KIF21A: variants seen among roughly 807,000 people sequenced by gnomAD.
KIF21A encodes the protein kinesin-like protein KIF21A.
KIF21A carries 114 observed loss-of-function variants against 202.9 expected under a neutral mutation model. The ratio of observed to expected loss-of-function variants is 0.56; its 90% CI spans 0.48 to 0.66. The LOEUF (loss-of-function observed/expected upper bound fraction) is 0.66, where lower values mean the gene tolerates loss of function less well. Ranked by LOEUF, KIF21A falls within the 30% of genes least tolerant of loss-of-function variation. The probability of loss-of-function intolerance (pLI) is 0.00; values close to 1 mark genes in which losing one functional copy is unlikely to be tolerated. For missense variants in KIF21A, 1,677 were observed against 1,994.9 expected (o/e 0.84, Z 3.04); for synonymous variants, 667 against 670.8 (o/e 0.99, Z 0.09).
chr12:39,332,400 C>T lies in KIF21A; in HGVS notation c.2865G>A (p.Glu955=). 6.2e-6 allele frequency: 10 copies of T among 1,613,752 alleles called. No individual in the cohort carries two copies. In the East Asian group the frequency reaches 1.1e-4, roughly 18 times the overall value. The change falls in exon 21 of 38, where the codon GAG becomes GAA. Residue 955 remains glutamate (E), a synonymous_variant. Transcript: ENST00000361418. The part of the protein sequence containing the change: ...ADMNRLLKQR[E]ELTKRREKLS... ...GTTTCTCTCGTCTTTTTGTGAGTTC[C>T]TCCCGTTGCTATTGAGAAAGCAGGT...
Position 39,370,069 on chromosome 12 carries a change from T to A in KIF21A, c.237A>T (p.Gly79=), listed in dbSNP as rs767468340. The A allele has an allele frequency of 1.2e-6, 2 of 1,613,556 alleles. No homozygotes were observed. The highest frequency in any genetic ancestry group is 2.7e-5 in the African/African-American group (2 of 74,922). The change falls in exon 2 of 38, where the codon GGA becomes GGT. Residue 79 remains glycine (G), a synonymous_variant. Coordinates refer to ENST00000361418, the MANE Select transcript of KIF21A (RefSeq NM_001173464.2). ...CATAAGCAAAAACTGTAGCATTGTA[T>A]CCTTCAAAGCAACCTTCAATTAGTT... ...IEKLIEGCFE[G]YNATVFAYGQ... is the part of the protein sequence containing the mutation.
At chr12:39,399,181 G>C (rs1355329091) in intron 1 of KIF21A, among the ~76,000 whole-genome samples, 1 of 152,180 alleles carries the variant, frequency 6.6e-6, no homozygotes, top group Non-Finnish European at 1.5e-5. Flanking sequence ...ATCACAGCAA[G>C]ATTCCATCAA....
At position 39,330,862 on chromosome 12, in the gene KIF21A, C is replaced by T. The variant is rs1375258659; in HGVS notation, c.3203G>A (p.Arg1068Gln). ...ACTGGTTATTTCTGTTTGTTTGAGTCGACCTTCCAGTACTTTAATTTGAGC... is the reference window on the plus strand; with the variant it reads ...ACTGGTTATTTCTGTTTGTTTGAGTTGACCTTCCAGTACTTTAATTTGAGC... The part of the protein sequence containing the change: ...KEAQIKVLEG[R>Q]LKQTEITSAT... Residue 1068 changes from arginine (R) to glutamine (Q), a missense_variant, in exon 23 of 38, where the codon CGA (arginine) becomes CAA (glutamine). By Grantham distance (43) the Arg-to-Gln change is conservative (BLOSUM62 1). Coordinates refer to ENST00000361418, the MANE Select transcript of KIF21A (RefSeq NM_001173464.2). The T allele has an allele frequency of 5.6e-6, 9 of 1,613,932 alleles. No individual in the cohort carries two copies. Among genetic ancestry groups the T allele is most frequent in the Admixed American group, 1.7e-5 (1 of 60,002 alleles).
chr12:39,420,259 G>A (rs1566293579), intron 1 of KIF21A, among the ~76,000 whole-genome samples: 1 of 152,016 alleles, frequency 6.6e-6, no homozygotes, highest in Non-Finnish European at 1.5e-5. Flanking sequence ...AGGGGCAAAG[G>A]TACATTTGCT....
chr12:39,310,914 C>T (rs1317055535), intron 32 of KIF21A, among the ~76,000 whole-genome samples: 1 of 152,000 alleles, frequency 6.6e-6, no homozygotes, highest in Non-Finnish European at 1.5e-5. Flanking sequence ...GCTAAATTTA[C>T]CTGAGAAAAG....
intron 1 of KIF21A, among the ~76,000 whole-genome samples, chr12:39,399,035 G>A (rs988560387): frequency 6.6e-6 from 1 of 151,990 alleles, no homozygotes; most frequent in Non-Finnish European, 1.5e-5. Context: ...ACCAGCCTAG[G>A]CAACACAGAG....
chr12:39,346,285 A>C (rs886950568), intron 12 of KIF21A, among the ~76,000 whole-genome samples, 181 bp downstream of exon 12: 3 of 152,080 alleles, frequency 2.0e-5, no homozygotes, highest in African/African-American at 7.2e-5. Flanking sequence ...TATTCTTAAA[A>C]AGTATTTTCT....
rs1939765478 is a variant in KIF21A, at chr12:39,442,393, GCA to G, written c.44+532_44+533del. ...TGATGCTGAAAAAGATGTCTCATTT[GCA>G]CAGACATCAGAACCCGAGTGGGCGC... On this transcript the variant is annotated intron_variant, in intron 1 of 37. Transcript: ENST00000361418. The surrounding 1 kb of genome is among the most constrained non-coding windows in gnomAD (Gnocchi z 5.0). Among the ~76,000 whole-genome samples, 1 of 152,206 alleles carries G rather than the reference GCA, an allele frequency of 6.6e-6. No homozygotes were observed. The highest frequency in any genetic ancestry group is 2.4e-5 in the African/African-American group (1 of 41,458).
chr12:39,426,990 A>G (rs1954816492), intron 1 of KIF21A, among the ~76,000 whole-genome samples: 1 of 152,224 alleles, frequency 6.6e-6, no homozygotes, highest in Non-Finnish European at 1.5e-5. Flanking sequence ...TAGCTTACAC[A>G]TAATGTGTTC....
chr12:39,332,179 C>G (rs1323799250), intron 21 of KIF21A, 35 bp downstream of exon 21: 4 of 1,579,426 alleles, frequency 2.5e-6, no homozygotes, highest in Non-Finnish European at 3.5e-6. Context: ...AAGTACTTTT[C>G]ATTAAACCAT....
At chr12:39,295,189 T>A (rs1287427675) in intron 37 of KIF21A, among the ~76,000 whole-genome samples, 1 of 152,224 alleles carries the variant, frequency 6.6e-6, no homozygotes, top group African/African-American at 2.4e-5. Flanking sequence ...CCTGTAAATA[T>A]ACACAGTTAT....
chr12:39,369,757 T>G lies in KIF21A; in HGVS notation c.422A>C (p.Asp141Ala), dbSNP rs756263422. 2 of 1,612,854 alleles carry G rather than the reference T, an allele frequency of 1.2e-6. No homozygotes were observed. The highest frequency in any genetic ancestry group is 1.7e-6 in the Non-Finnish European group (2 of 1,179,612). Residue 141 changes from aspartate to alanine, a missense_variant, in exon 3 of 38, where the codon GAT (aspartate) becomes GCT (alanine). Asp to Ala is a moderately radical substitution (Grantham distance 126). Transcript: ENST00000361418. ...IAIKNGLPAPDFKVNAQFLEL... is the reference protein window; with the variant it reads ...IAIKNGLPAPAFKVNAQFLEL... ...TAAGAATTGGGCATTCACTTTAAAA[T>G]CTGGAGCAGGAAGCCCATTTTTAAT... is the stretch of plus-strand genomic sequence containing the variant.
intron 7 of KIF21A, among the ~76,000 whole-genome samples, chr12:39,359,778 C>T (rs752703040): frequency 1.3e-5 from 2 of 150,330 alleles, no homozygotes; most frequent in Non-Finnish European, 3.0e-5. Context: ...CTTGAGTAAG[C>T]ACAGGTACAT....
At chr12:39,298,772 G>T (rs1340938097) in intron 37 of KIF21A, among the ~76,000 whole-genome samples, 1 of 152,064 alleles carries the variant, frequency 6.6e-6, no homozygotes, top group Non-Finnish European at 1.5e-5. Context: ...AGAAGAAAAT[G>T]AGACCAGTAA....
At chr12:39,331,664 T>C in intron 22 of KIF21A, 26 bp downstream of exon 22, 1 of 1,460,948 alleles carries the variant, frequency 6.8e-7, no homozygotes, top group Non-Finnish European at 9.6e-7. Flanking sequence ...ACTTAGATTT[T>C]CAGTAACAGT....
intron 24 of KIF21A, among the ~76,000 whole-genome samples, chr12:39,327,804 C>T (rs1946103021): frequency 6.6e-6 from 1 of 152,150 alleles, no homozygotes; most frequent in African/African-American, 2.4e-5. Context: ...GTTGTACTCT[C>T]AACTCTGAGA....
chr12:39,315,693 C>T (rs1023979542), intron 30 of KIF21A, among the ~76,000 whole-genome samples: 5 of 151,752 alleles, frequency 3.3e-5, no homozygotes, highest in Non-Finnish European at 7.4e-5. Context: ...ATTCAGATTA[C>T]AGACAGAAAA....
chr12:39,373,385 A>G (rs1174430776), intron 1 of KIF21A, among the ~76,000 whole-genome samples: 1 of 151,850 alleles, frequency 6.6e-6, no homozygotes, highest in Non-Finnish European at 1.5e-5. Context: ...TTTCAATATC[A>G]CTTGTTTTGG....
intron 33 of KIF21A, 143 bp downstream of exon 33, chr12:39,309,443 G>T (rs1010973968): frequency 1.6e-6 from 1 of 614,524 alleles, no homozygotes; most frequent in Non-Finnish European, 2.7e-6. Flanking sequence ...TTTTCTTTGT[G>T]AACACTTTAA....
Sources: allele counts gnomAD v4.1 joint callset (sites outside exome capture counted in the v4.1 genomes callset), GRCh38; gene constraint gnomAD v4.1.1; non-coding constraint Gnocchi (gnomAD v3.1); transcripts MANE v1.5; gene names NCBI Gene and HGNC (gene_info 2026-07-23, HGNC 2026-07-21).